Variants in MPPE1 observed in about 807,000 individuals in gnomAD.
MPPE1 encodes the protein metallophosphoesterase 1.
MPPE1 carries 28 observed loss-of-function variants against 43.8 expected under a neutral mutation model. The ratio of observed to expected loss-of-function variants is 0.64; its 90% CI spans 0.47 to 0.88. The LOEUF is 0.88. Among genes scored for constraint, MPPE1 ranks in the 40% least tolerant of loss-of-function variants. The pLI, the probability that MPPE1 is intolerant of heterozygous loss-of-function variation, is 0.00. For synonymous variants in MPPE1, 159 were observed against 188.5 expected, an observed-to-expected ratio of 0.84 and a Z score of 1.28; for missense variants, 428 against 492.2, an observed-to-expected ratio of 0.87 and a Z score of 1.23.
intron 2 of MPPE1, among the ~76,000 whole-genome samples, chr18:11,904,825 C>T (rs989771939): frequency 6.6e-6 from 1 of 151,938 alleles, no homozygotes; most frequent in African/African-American, 2.4e-5. Context: ...AGCGTGTAAT[C>T]TCAGCTACTT....
intron 4 of MPPE1, among the ~76,000 whole-genome samples, chr18:11,892,075 C>G (rs1262415331): frequency 6.6e-6 from 1 of 152,222 alleles, no homozygotes; most frequent in Non-Finnish European, 1.5e-5. Context: ...CGCAGCGGCT[C>G]ACGCCTATAA....
At chr18:11,906,577 C>T (rs2039730963) in intron 1 of MPPE1, among the ~76,000 whole-genome samples, 1 of 152,100 alleles carries the variant, frequency 6.6e-6, no homozygotes, top group Non-Finnish European at 1.5e-5. Context: ...TATCTTTAGG[C>T]TGGGCGCAGT....
chr18:11,888,975 G>C (rs113158302), intron 5 of MPPE1, among the ~76,000 whole-genome samples: 1 of 152,166 alleles, frequency 6.6e-6, no homozygotes, highest in African/African-American at 2.4e-5. Flanking sequence ...CATTGGTACC[G>C]TAGGTAAAAC....
chr18:11,884,681 C>T lies in MPPE1; in HGVS notation c.1009-54G>A, dbSNP rs561305545. The T allele has an allele frequency of 8.4e-4, 1,303 of 1,558,868 alleles. 7 individuals are homozygous for T. In the African/African-American group the frequency reaches 0.015, roughly 18 times the overall value. ...AGAGCACCAGGCACACGTTGAACAC[C>T]GCAGTCTTAGAAACAGCAGAGGGAA... On this transcript the variant is annotated intron_variant, in intron 10 of 10. Transcript: ENST00000588072.
chr18:11,884,599 A>C lies in MPPE1; in HGVS notation c.1037T>G (p.Leu346Arg), dbSNP rs751991690. ...CTCACGTGGGAGGTAGCACTTGGAG[A>C]GGGTGTAGTCTGTGGGCGTGATGCT... ...MGSITPTDYT[L>R]SKCYLPREDV... is the part of the protein sequence containing the mutation. The change falls in exon 11 of 11, where the codon CTC becomes CGC. Residue 346 changes from leucine (L) to arginine (R), a missense_variant. Coordinates refer to ENST00000588072, the MANE Select transcript of MPPE1 (RefSeq NM_023075.6). 8.7e-6 allele frequency: 14 copies of C among 1,613,752 alleles called. No individual in the cohort carries two copies. The highest frequency in any genetic ancestry group is 1.2e-5 in the Non-Finnish European group (14 of 1,180,028).
At chr18:11,906,611 C>G (rs1260223332) in intron 1 of MPPE1, among the ~76,000 whole-genome samples, 1 of 152,110 alleles carries the variant, frequency 6.6e-6, no homozygotes, top group Non-Finnish European at 1.5e-5. Context: ...AATCCCAGCA[C>G]TTTGAGAGGC....
intron 10 of MPPE1, 22 bp downstream of exon 10, chr18:11,885,654 C>T (rs546462592): frequency 6.3e-7 from 1 of 1,598,432 alleles, no homozygotes; most frequent in East Asian, 2.3e-5. Context: ...AGCTTTCAGA[C>T]AAAAATAAAC....
intron 4 of MPPE1, among the ~76,000 whole-genome samples, chr18:11,892,281 A>T: frequency 6.6e-6 from 1 of 151,388 alleles, no homozygotes; most frequent in East Asian, 2.0e-4. Context: ...CGGAGGTTGC[A>T]GTGAGCCAAA....
chr18:11,884,394 T>C lies in MPPE1; in HGVS notation c.*51A>G. The C allele has an allele frequency of 6.4e-7, 1 of 1,569,574 alleles. No individual in the cohort carries two copies. The highest frequency in any genetic ancestry group is 1.7e-5 in the Admixed American group (1 of 58,834). ...ATCCACTTGATTCTAACATGATCTC[T>C]GCCCAAAGTTCCATTTCTTGGGCTT... On this transcript the variant is annotated 3_prime_UTR_variant, in exon 11 of 11. Coordinates refer to ENST00000588072, the MANE Select transcript of MPPE1 (RefSeq NM_023075.6).
At chr18:11,889,270 T>G (rs987030935) in intron 5 of MPPE1, 117 bp downstream of exon 5, 1 of 643,120 alleles carries the variant, frequency 1.6e-6, no homozygotes, top group African/African-American at 1.9e-5. Context: ...AGCTCACATC[T>G]TTTGAAGAAA....
chr18:11,901,315 C>T (rs2039176957), intron 2 of MPPE1, among the ~76,000 whole-genome samples: 1 of 152,076 alleles, frequency 6.6e-6, no homozygotes, highest in South Asian at 2.1e-4. Flanking sequence ...ACTACAACCT[C>T]CACCTCCTGG....
intron 10 of MPPE1, 121 bp from the exon 11 acceptor site, chr18:11,884,748 G>C: frequency 7.6e-7 from 1 of 1,317,856 alleles, no homozygotes; most frequent in Non-Finnish European, 1.0e-6. Flanking sequence ...CAGGGAACGG[G>C]CCCTCCTCAC....
In MPPE1 at chr18:11,887,004, C is replaced by T; in HGVS notation, c.591G>A (p.Val197=). 1 of 1,613,518 alleles carries T rather than the reference C, an allele frequency of 6.2e-7. No individual in the cohort carries two copies. The highest frequency in any genetic ancestry group is 8.5e-7 in the Non-Finnish European group (1 of 1,179,568). Reference sequence around the variant, plus strand: ...TGCCACAGCCATCCCCGTTCAGCGCCACGCTGTTGACCATCACAAAGCTGA... The same window carrying T: ...TGCCACAGCCATCCCCGTTCAGCGCTACGCTGTTGACCATCACAAAGCTGA... ...KGINFVMVNS[V]ALNGDGCGIC... Residue 197 remains valine, a synonymous_variant, in exon 7 of 11, where the codon GTG becomes GTA. Coordinates refer to ENST00000588072, the MANE Select transcript of MPPE1 (RefSeq NM_023075.6).
At chr18:11,903,907 C>T (rs2039447156) in intron 2 of MPPE1, among the ~76,000 whole-genome samples, 1 of 152,220 alleles carries the variant, frequency 6.6e-6, no homozygotes, top group South Asian at 2.1e-4. Context: ...CTTTCCTGCT[C>T]TAAAGCTTTT....
At chr18:11,884,842 C>T in intron 10 of MPPE1, 1 of 1,385,926 alleles carries the variant, frequency 7.2e-7, no homozygotes. Flanking sequence ...AAGTAAGGCC[C>T]AAGTGTGCCT....
chr18:11,884,610 T>C lies in MPPE1; in HGVS notation c.1026A>G (p.Thr342=), dbSNP rs1169636624. The C allele has an allele frequency of 1.9e-6, 3 of 1,613,378 alleles. No individual in the cohort carries two copies. The highest frequency in any genetic ancestry group is 1.7e-6 in the Non-Finnish European group (2 of 1,179,860). The change falls in exon 11 of 11, where the codon ACA becomes ACG. Residue 342 remains threonine, a synonymous_variant. Transcript: ENST00000588072. The part of the protein sequence containing the change: ...PSFIMGSITP[T]DYTLSKCYLP... ...GGTAGCACTTGGAGAGGGTGTAGTCTGTGGGCGTGATGCTACCCTGGAAAG... is the reference window on the plus strand; with the variant it reads ...GGTAGCACTTGGAGAGGGTGTAGTCCGTGGGCGTGATGCTACCCTGGAAAG...
chr18:11,884,271 T>G lies in MPPE1; in HGVS notation c.*174A>C, dbSNP rs996488366. On this transcript the variant is annotated 3_prime_UTR_variant, in exon 11 of 11. Coordinates refer to ENST00000588072, the MANE Select transcript of MPPE1 (RefSeq NM_023075.6). ...AGAGTACCTGTCCACTTTTATAGCA[T>G]GAGAACAGTACAATCAACTATTTAT... The G allele has an allele frequency of 3.2e-6, 2 of 632,916 alleles. No homozygotes were observed. Among genetic ancestry groups the G allele is most frequent in the Non-Finnish European group, 5.5e-6 (2 of 363,806 alleles). The allele number at this position is 632,916 out of a possible 1,614,324, so 39.2% of individuals were successfully genotyped here. A position where few individuals can be genotyped will look rare whatever the true frequency, so the allele number is the denominator to read the frequency against.
intron 6 of MPPE1, among the ~76,000 whole-genome samples, chr18:11,888,030 A>G (rs2144209450): frequency 6.6e-6 from 1 of 152,252 alleles, no homozygotes; most frequent in South Asian, 2.1e-4. Flanking sequence ...TTCCACTCCC[A>G]CCTGTTTTCT....
intron 3 of MPPE1, among the ~76,000 whole-genome samples, chr18:11,894,377 G>A (rs1343614635): frequency 1.4e-5 from 2 of 139,752 alleles, no homozygotes; most frequent in Admixed American, 1.6e-4. Context: ...GCAGTAAGCT[G>A]AGATCATGAC....
Sources: allele counts gnomAD v4.1 joint callset (sites outside exome capture counted in the v4.1 genomes callset), GRCh38; gene constraint gnomAD v4.1.1; transcripts MANE v1.5; gene names NCBI Gene and HGNC (gene_info 2026-07-23, HGNC 2026-07-21).